Variants in MAP3K21 observed in about 807,000 individuals in gnomAD.
The protein encoded by MAP3K21 is mitogen-activated protein kinase kinase kinase 21, also known as mitogen-activated protein kinase kinase kinase MLK4.
MAP3K21 carries 63 observed loss-of-function variants against 86.1 expected under a neutral mutation model. The ratio of observed to expected loss-of-function variants is 0.73; its 90% CI spans 0.60 to 0.90. The LOEUF (loss-of-function observed/expected upper bound fraction) is 0.90. MAP3K21 is among the 40% of genes least tolerant of loss of function. MAP3K21 has a pLI of 0.00. For missense variants in MAP3K21, 1,220 were observed against 1,367.7 expected (o/e 0.89, Z 1.70); for synonymous variants, 558 against 564.8 (o/e 0.99, Z 0.17).
At chr1:233,349,704 C>T (rs533401814) in intron 2 of MAP3K21, among the ~76,000 whole-genome samples, 12 of 152,176 alleles carry the variant, frequency 7.9e-5, no homozygotes, top group Admixed American at 6.5e-4. Context: ...TTTGGGAGGC[C>T]GAGGTGGGCA....
chr1:233,381,821 C>A (rs1406347921), intron 9 of MAP3K21, among the ~76,000 whole-genome samples: 3 of 152,174 alleles, frequency 2.0e-5, no homozygotes, highest in Admixed American at 6.5e-5. Flanking sequence ...ACTGCTTTTC[C>A]ATTTTCATCA....
chr1:233,362,896 G>T (rs1272827125), intron 5 of MAP3K21, among the ~76,000 whole-genome samples: 1 of 152,036 alleles, frequency 6.6e-6, no homozygotes, highest in Non-Finnish European at 1.5e-5. Context: ...AATGTGTTAG[G>T]AGAAACTAAA....
At chr1:233,381,393 A>G (rs762262274) in intron 9 of MAP3K21, among the ~76,000 whole-genome samples, 5 of 152,210 alleles carry the variant, frequency 3.3e-5, no homozygotes, top group Non-Finnish European at 7.3e-5. Flanking sequence ...TTTATTTTGT[A>G]TGTGAACATA....
intron 9 of MAP3K21, among the ~76,000 whole-genome samples, chr1:233,381,482 G>C (rs1022952145): frequency 6.6e-6 from 1 of 152,162 alleles, no homozygotes; most frequent in African/African-American, 2.4e-5. Flanking sequence ...ATTGTAAAAT[G>C]CTATGCTAGC....
chr1:233,376,650 G>A (rs766055644), intron 8 of MAP3K21, 123 bp downstream of exon 8: 18 of 611,264 alleles, frequency 2.9e-5, no homozygotes, highest in African/African-American at 5.8e-5. Context: ...GCAAGTAATG[G>A]CATTTCTTAT....
Position 233,372,062 on chromosome 1 carries a change from A to C in MAP3K21, c.1577A>C (p.Gln526Pro). 6.2e-7 allele frequency: 1 copy of C among 1,614,072 alleles called. No homozygotes were observed. The highest frequency in any genetic ancestry group is 1.3e-5 in the African/African-American group (1 of 75,048). ...PSDFQHKITV[Q>P]ASPNLDKRRS... ...GATTTCCAGCACAAGATAACCGTGC[A>C]GGCCTCTCCCAACTTGGACAAACGG... The change falls in exon 6 of 10, where the codon CAG becomes CCG. Residue 526 changes from glutamine to proline, a missense_variant. Physicochemically the swap from Gln to Pro is moderately conservative, Grantham distance 76 (BLOSUM62 -1). Around this residue, in one of 5 missense-constraint regions of MAP3K21, gnomAD observed 632 missense variants for 691.3 expected, o/e 0.91. Transcript: ENST00000366624.
At chr1:233,355,731 G>A (rs1663339548) in intron 4 of MAP3K21, among the ~76,000 whole-genome samples, 2 of 152,072 alleles carry the variant, frequency 1.3e-5, no homozygotes, top group African/African-American at 4.8e-5. Flanking sequence ...AGTCTCAAGG[G>A]TCTTTTTGCA....
intron 8 of MAP3K21, among the ~76,000 whole-genome samples, chr1:233,378,212 G>A (rs1475409640): frequency 6.6e-6 from 1 of 152,186 alleles, no homozygotes; most frequent in Non-Finnish European, 1.5e-5. Flanking sequence ...TGAGTTTGTT[G>A]TTTAATTATG....
In MAP3K21 at chr1:233,375,907, T is replaced by G. The variant is rs757868575; in HGVS notation, c.1676-9T>G. The stretch of plus-strand genomic sequence containing the variant: ...TTGTGGTTAATATGGTTAATAATGT[T>G]CTTTTTAGTGACTTCAGATGAAAGC... On this transcript the variant is annotated splice_polypyrimidine_tract_variant and intron_variant, in intron 6 of 9. Transcript: ENST00000366624. 11 of 1,606,852 alleles carry G rather than the reference T, an allele frequency of 6.8e-6. No individual in the cohort carries two copies. Among genetic ancestry groups the G allele is most frequent in the Admixed American group, 3.4e-5 (2 of 59,586 alleles).
chr1:233,352,804 G>A (rs186165869), intron 2 of MAP3K21, among the ~76,000 whole-genome samples: 19 of 152,244 alleles, frequency 1.2e-4, no homozygotes, highest in African/African-American at 4.3e-4. Context: ...TGAATCATCT[G>A]GAGTGACTCT....
At position 233,328,700 on chromosome 1, in the gene MAP3K21, C is replaced by T; in HGVS notation, c.672C>T (p.Pro224=). 1 of 1,372,026 alleles carries T rather than the reference C, an allele frequency of 7.3e-7. No homozygotes were observed. The highest frequency in any genetic ancestry group is 9.5e-7 in the Non-Finnish European group (1 of 1,057,512). 85.0% of individuals were successfully genotyped at this position (1,372,026 alleles called of 1,614,324 possible). The part of the protein sequence containing the change: ...AANAAPDPRA[P]GPRRARRIPP... The stretch of plus-strand genomic sequence containing the variant: ...ACGCCGCCCCGGACCCGCGCGCGCC[C>T]GGCCCCCGCCGCGCGCGCCGCATCC... Residue 224 remains proline, a synonymous_variant, in exon 1 of 10, where the codon CCC becomes CCT. Coordinates refer to ENST00000366624, the MANE Select transcript of MAP3K21 (RefSeq NM_032435.3). The surrounding 1 kb of genome is among the most constrained non-coding windows in gnomAD (Gnocchi z 8.7).
Position 233,328,958 on chromosome 1 carries a change from C to A in MAP3K21, c.805+125C>A. ...CTTAGGGCGCCAGCAGCAACTCATG[C>A]CCAGGCCTTCAGGGCTCGGAAGTCC... On this transcript the variant is annotated intron_variant, in intron 1 of 9. Coordinates refer to ENST00000366624, the MANE Select transcript of MAP3K21 (RefSeq NM_032435.3). The surrounding 1 kb of genome is among the most constrained non-coding windows in gnomAD (Gnocchi z 8.7). 1.0e-6 allele frequency: 1 copy of A among 970,366 alleles called. No homozygotes were observed. The highest frequency in any genetic ancestry group is 1.3e-6 in the Non-Finnish European group (1 of 745,196). 60.1% of individuals were successfully genotyped at this position (970,366 alleles called of 1,614,324 possible). A position where few individuals can be genotyped will look rare whatever the true frequency, so the allele number is the denominator to read the frequency against.
rs185014438 is a variant in MAP3K21 at position 233,354,610 on chromosome 1, C to T, written c.1136-226C>T. Among the ~76,000 whole-genome samples, 475 of 152,310 alleles carry T rather than the reference C, an allele frequency of 3.1e-3. 5 individuals are homozygous for T. The highest frequency in any genetic ancestry group is 0.011 in the African/African-American group (449 of 41,562). On this transcript the variant is annotated intron_variant, in intron 3 of 9. Transcript: ENST00000366624. ...ATAATATAGACAGCAACAGCCTTCT[C>T]TAATGGTCATTATTATGCATGCCTG...
At chr1:233,379,766 G>A (rs1663879634) in intron 9 of MAP3K21, 56 bp downstream of exon 9, 2 of 1,258,178 alleles carry the variant, frequency 1.6e-6, no homozygotes, top group African/African-American at 1.5e-5. Context: ...ATTAGTATGT[G>A]AAACAGTATG....
At chr1:233,376,291 T>C in intron 7 of MAP3K21, 139 bp from the exon 8 acceptor site, 1 of 739,726 alleles carries the variant, frequency 1.4e-6, no homozygotes, top group East Asian at 2.7e-5. Flanking sequence ...GTATTATTTG[T>C]ACTTTGTCAG....
rs969625131 is a variant in MAP3K21 at position 233,328,657 on chromosome 1, G to A, written c.629G>A (p.Arg210Gln). ...LEFARGGALN[R>Q]ALAAANAAPD... ...TTCGCCCGCGGCGGAGCGCTCAACCGAGCGCTGGCCGCTGCCAACGCCGCC... is the reference window on the plus strand; with the variant it reads ...TTCGCCCGCGGCGGAGCGCTCAACCAAGCGCTGGCCGCTGCCAACGCCGCC... The change falls in exon 1 of 10, where the codon CGA (arginine) becomes CAA (glutamine). Residue 210 changes from arginine to glutamine, a missense_variant. Arg to Gln is a conservative substitution (Grantham distance 43). Around this residue, in one of 5 missense-constraint regions of MAP3K21, gnomAD observed 369 missense variants for 385.3 expected, o/e 0.96. Transcript: ENST00000366624. This position sits in a 1 kb window ranked among gnomAD's most constrained non-coding sequence, Gnocchi z 8.7. The A allele has an allele frequency of 1.5e-6, 2 of 1,365,454 alleles. No individual in the cohort carries two copies. Among genetic ancestry groups the A allele is most frequent in the Non-Finnish European group, 1.9e-6 (2 of 1,060,654 alleles). 84.6% of individuals were successfully genotyped at this position (1,365,454 alleles called of 1,614,324 possible). A position where few individuals can be genotyped will look rare whatever the true frequency, so the allele number is the denominator to read the frequency against.
chr1:233,373,086 C>T (rs1225117453), intron 6 of MAP3K21: 1 of 152,074 alleles, frequency 6.6e-6, no homozygotes, highest in African/African-American at 2.4e-5. Context: ...ACCAGGATCC[C>T]CACAGAGAAA....
At chr1:233,338,389 C>T (rs1470419774) in intron 1 of MAP3K21, among the ~76,000 whole-genome samples, 1 of 152,132 alleles carries the variant, frequency 6.6e-6, no homozygotes, top group Non-Finnish European at 1.5e-5. Flanking sequence ...ACAAATTCCT[C>T]CCTTAAGGAT....
intron 1 of MAP3K21, among the ~76,000 whole-genome samples, chr1:233,338,992 C>T (rs900468761): frequency 8.5e-5 from 13 of 152,092 alleles, no homozygotes; most frequent in African/African-American, 2.7e-4. Flanking sequence ...CAGAGGTCCA[C>T]GGACTGAGTC....
Sources: gnomAD v4.1 joint callset for allele counts (sites outside exome capture counted in the v4.1 genomes callset) on GRCh38, gnomAD v4.1.1 for gene constraint, gnomAD v4.1.1 regional missense constraint, Gnocchi (gnomAD v3.1) non-coding constraint, MANE v1.5 for transcripts, NCBI Gene and HGNC (gene_info 2026-07-23, HGNC 2026-07-21) for gene names.